The following AMMECR1L variants were observed in gnomAD, a reference collection of about 807,000 sequenced individuals.
The protein encoded by AMMECR1L is AMMECR1-like protein.
AMMECR1L carries 4 observed loss-of-function variants against 36.8 expected under a neutral mutation model. The ratio of observed to expected loss-of-function variants is 0.11; its 90% CI spans 0.05 to 0.25. AMMECR1L has a LOEUF of 0.25. Among genes scored for constraint, AMMECR1L ranks in the 10% least tolerant of loss-of-function variants. The pLI is 1.00. For synonymous variants in AMMECR1L, 147 were observed against 148.0 expected (o/e 0.99, Z 0.05); for missense variants, 232 against 392.1 (o/e 0.59, Z 3.45).
At chr2:127,884,494 G>A (rs1399326008) in intron 1 of AMMECR1L, among the ~76,000 whole-genome samples, 182 bp from the exon 2 acceptor site, 3 of 152,110 alleles carry the variant, frequency 2.0e-5, no homozygotes, top group Non-Finnish European at 4.4e-5. Flanking sequence ...TGAGGCAGCC[G>A]TGAAGTCCCA....
chr2:127,867,881 C>A (rs1041934861), intron 6 of AMMECR1L, among the ~76,000 whole-genome samples: 1 of 151,954 alleles, frequency 6.6e-6, no homozygotes, highest in Non-Finnish European at 1.5e-5. Flanking sequence ...CTTGCACATT[C>A]TTTTTTTTGA....
In AMMECR1L at chr2:127,871,726, T is replaced by C. The variant is rs527620856; in HGVS notation, c.408-367A>G. On this transcript the variant is annotated intron_variant, in intron 3 of 7. Transcript: ENST00000272647. The surrounding 1 kb of genome is among the most constrained non-coding windows in gnomAD (Gnocchi z 4.3). ...AGTCTATTTATCCAGGTAGCCATGC[T>C]CCCCCGCTCCGTCTTTCATGATGAC... Among the ~76,000 whole-genome samples the C allele has an allele frequency of 8.5e-5, 13 of 152,070 alleles. No homozygotes were observed. In the East Asian group the frequency reaches 2.5e-3, roughly 29 times the overall value.
intron 6 of AMMECR1L, among the ~76,000 whole-genome samples, chr2:127,868,672 T>C (rs1160791311): frequency 6.6e-6 from 1 of 151,740 alleles, no homozygotes; most frequent in Non-Finnish European, 1.5e-5. Flanking sequence ...AAAGACAAAA[T>C]CTGCTCGATC....
At chr2:127,878,196 C>T (rs1207245387) in intron 2 of AMMECR1L, among the ~76,000 whole-genome samples, 1 of 152,136 alleles carries the variant, frequency 6.6e-6, no homozygotes, top group Non-Finnish European at 1.5e-5. Flanking sequence ...AACATCTCAG[C>T]CATCACCTGG....
chr2:127,883,616 C>T (rs1217714610), intron 2 of AMMECR1L, among the ~76,000 whole-genome samples: 2 of 152,132 alleles, frequency 1.3e-5, no homozygotes, highest in Non-Finnish European at 2.9e-5. Context: ...AAAACTCTCT[C>T]CTAAGTGTTA....
At chr2:127,872,841 T>C (rs1691050647) in intron 3 of AMMECR1L, 1 of 293,330 alleles carries the variant, frequency 3.4e-6, no homozygotes, top group Admixed American at 6.5e-5. Flanking sequence ...GATCTCCACC[T>C]GCTCAGTCAG....
In AMMECR1L at chr2:127,875,904, C is replaced by T. The variant is rs548729943; in HGVS notation, c.-38-1632G>A. 6.2e-4 allele frequency among the ~76,000 whole-genome samples: 95 copies of T among 152,284 alleles called. 1 individual carries two copies. In the Middle Eastern group the frequency reaches 0.014, roughly 22 times the overall value. On this transcript the variant is annotated intron_variant, in intron 2 of 7. Transcript: ENST00000272647. ...CAACTCCTGGACTCAAGTGATCCTCCCGCCTCAGCTTCCCAAAGTGCTAGG... is the reference window on the plus strand; with the variant it reads ...CAACTCCTGGACTCAAGTGATCCTCTCGCCTCAGCTTCCCAAAGTGCTAGG...
At chr2:127,870,958 C>T (rs769397097) in intron 4 of AMMECR1L, 30 bp from the exon 5 acceptor site, 2 of 1,561,548 alleles carry the variant, frequency 1.3e-6, no homozygotes, top group South Asian at 1.2e-5. Context: ...ATAGGTAAGG[C>T]TGCTCTGGAG....
chr2:127,874,843 G>A lies in AMMECR1L; in HGVS notation c.-38-571C>T, dbSNP rs1362007027. On this transcript the variant is annotated intron_variant, in intron 2 of 7. Coordinates refer to ENST00000272647, the MANE Select transcript of AMMECR1L (RefSeq NM_001199140.2). The surrounding 1 kb of genome is among the most constrained non-coding windows in gnomAD (Gnocchi z 5.2). ...AAGAGGGCACATCTTCTAACACAAG[G>A]CTCCCACCTTTCTGTCTCTGCAGCT... Among the ~76,000 whole-genome samples the A allele has an allele frequency of 6.6e-6, 1 of 152,148 alleles. No homozygotes were observed. The highest frequency in any genetic ancestry group is 1.5e-5 in the Non-Finnish European group (1 of 68,010).
rs544492616 is a variant in AMMECR1L, at chr2:127,871,443, A to G, written c.408-84T>C. 2 of 1,352,952 alleles carry G rather than the reference A, an allele frequency of 1.5e-6. No homozygotes were observed. Among genetic ancestry groups the G allele is most frequent in the South Asian group, 1.3e-5 (1 of 79,790 alleles). 83.8% of individuals were successfully genotyped at this position (1,352,952 alleles called of 1,614,324 possible). On this transcript the variant is annotated intron_variant, in intron 3 of 7. Coordinates refer to ENST00000272647, the MANE Select transcript of AMMECR1L (RefSeq NM_001199140.2). The surrounding 1 kb of genome is among the most constrained non-coding windows in gnomAD (Gnocchi z 4.3). ...AAACCTTTTGGCTTTGTCCCTATTC[A>G]TTTCTGTTATTGCCAAAAATCCCTG...
chr2:127,873,928 C>T lies in AMMECR1L; in HGVS notation c.307G>A (p.Val103Met), dbSNP rs79692404. ...NGTANTTKNLVVTAEMCCYCF... is the reference protein window; with the variant it reads ...NGTANTTKNLMVTAEMCCYCF... ...TAGCAGCACATCTCTGCAGTCACCACCAGATTCTTAGTGGTGTTGGCAGTT... is the reference window on the plus strand; with the variant it reads ...TAGCAGCACATCTCTGCAGTCACCATCAGATTCTTAGTGGTGTTGGCAGTT... The change falls in exon 3 of 8, where the codon GTG (valine) becomes ATG (methionine). Residue 103 changes from valine (V) to methionine (M), a missense_variant. This residue lies in a region of AMMECR1L where 83 missense variants were observed against 229.5 expected (regional missense o/e 0.36). Coordinates refer to ENST00000272647, the MANE Select transcript of AMMECR1L (RefSeq NM_001199140.2). This position sits in a 1 kb window ranked among gnomAD's most constrained non-coding sequence, Gnocchi z 5.2. 6.2e-7 allele frequency: 1 copy of T among 1,614,184 alleles called. No individual in the cohort carries two copies.
At chr2:127,880,208 T>C (rs568768553) in intron 2 of AMMECR1L, among the ~76,000 whole-genome samples, 96 of 152,266 alleles carry the variant, frequency 6.3e-4, no homozygotes, top group Middle Eastern at 3.4e-3. Flanking sequence ...AAAGTATATA[T>C]AACCAAGACC....
At chr2:127,866,235 TG>T (rs1220693740) in intron 7 of AMMECR1L, among the ~76,000 whole-genome samples, 1 of 152,200 alleles carries the variant, frequency 6.6e-6, no homozygotes, top group African/African-American at 2.4e-5. Context: ...TAACATCTCC[TG>T]ATCACCTACA....
chr2:127,880,931 C>CA (rs1440278003), intron 2 of AMMECR1L, among the ~76,000 whole-genome samples: 1 of 152,202 alleles, frequency 6.6e-6, no homozygotes, highest in Admixed American at 6.5e-5. Flanking sequence ...CCATTCTATT[C>CA]AGCCCAAACC....
In AMMECR1L at chr2:127,871,999, G is replaced by C. The variant is rs1002996424; in HGVS notation, c.408-640C>G. Among the ~76,000 whole-genome samples the C allele has an allele frequency of 2.0e-5, 3 of 151,990 alleles. No homozygotes were observed. The highest frequency in any genetic ancestry group is 4.4e-5 in the Non-Finnish European group (3 of 67,958). On this transcript the variant is annotated intron_variant, in intron 3 of 7. Transcript: ENST00000272647. The surrounding 1 kb of genome is among the most constrained non-coding windows in gnomAD (Gnocchi z 4.3). The stretch of plus-strand genomic sequence containing the variant: ...AGGTAAGGAGTTCTAGACCAGCCTG[G>C]TCATCATGGCGAAACCCCGCCTCTA...
At chr2:127,867,601 A>G (rs938212368) in intron 6 of AMMECR1L, among the ~76,000 whole-genome samples, 1 of 152,162 alleles carries the variant, frequency 6.6e-6, no homozygotes, top group South Asian at 2.1e-4. Flanking sequence ...GCAAAAATTA[A>G]GTGAGCGTGT....
In AMMECR1L at chr2:127,871,114, C is replaced by G. The variant is rs1043708775; in HGVS notation, c.518+135G>C. The G allele has an allele frequency of 6.8e-6, 7 of 1,030,992 alleles. No homozygotes were observed. Among genetic ancestry groups the G allele is most frequent in the East Asian group, 2.6e-5 (1 of 38,460 alleles). 63.9% of individuals were successfully genotyped at this position (1,030,992 alleles called of 1,614,324 possible). A position where few individuals can be genotyped will look rare whatever the true frequency, so the allele number is the denominator to read the frequency against. On this transcript the variant is annotated intron_variant, in intron 4 of 7. Coordinates refer to ENST00000272647, the MANE Select transcript of AMMECR1L (RefSeq NM_001199140.2). This position sits in a 1 kb window ranked among gnomAD's most constrained non-coding sequence, Gnocchi z 4.3. ...GTACTTGAACTGATAACTGACTCAC[C>G]AGATTAAGCCCCTTACATTTCCTGA...
At chr2:127,881,656 A>C (rs1377719491) in intron 2 of AMMECR1L, among the ~76,000 whole-genome samples, 1 of 152,198 alleles carries the variant, frequency 6.6e-6, no homozygotes, top group African/African-American at 2.4e-5. Flanking sequence ...GTGGCACATA[A>C]CTACTATCTA....
chr2:127,880,376 A>G (rs1230649847), intron 2 of AMMECR1L, among the ~76,000 whole-genome samples: 1 of 152,050 alleles, frequency 6.6e-6, no homozygotes, highest in African/African-American at 2.4e-5. Context: ...CCTCAACAAA[A>G]AGCTGGCAGA....
Sources: allele counts gnomAD v4.1 joint callset (sites outside exome capture counted in the v4.1 genomes callset), GRCh38; gene constraint gnomAD v4.1.1; regional missense constraint gnomAD v4.1.1; non-coding constraint Gnocchi (gnomAD v3.1); transcripts MANE v1.5; gene names NCBI Gene and HGNC (gene_info 2026-07-23, HGNC 2026-07-21).